SPCS1: variants seen among roughly 807,000 people sequenced by gnomAD.
The protein encoded by SPCS1 is SPase 12 kDa subunit.
Under a neutral mutation model 16.4 loss-of-function variants are expected in SPCS1, and 10 were observed. That is an observed-to-expected ratio of 0.61 (90% CI 0.38 to 1.03). The LOEUF is 1.03. SPCS1 is among the 50% of genes least tolerant of loss of function. The pLI is 0.01. For synonymous variants in SPCS1, 47 were observed against 42.5 expected (o/e 1.10, Z -0.41); for missense variants, 118 against 123.8 (o/e 0.95, Z 0.22).
At chr3:52,707,504 G>T in intron 3 of SPCS1, 183 bp from the exon 4 acceptor site, 1 of 607,420 alleles carries the variant, frequency 1.6e-6, no homozygotes, top group Non-Finnish European at 2.9e-6. Context: ...CAGTGAGCCT[G>T]TTCCCATCAT....
intron 3 of SPCS1, 65 bp from the exon 4 acceptor site, chr3:52,707,622 T>C (rs2097345960): frequency 1.3e-6 from 2 of 1,554,548 alleles, no homozygotes; most frequent in Admixed American, 1.9e-5. Flanking sequence ...AACCTGGCAT[T>C]ATACGTAATG....
Position 52,706,114 on chromosome 3 carries a change from C to A in SPCS1, c.-133C>A. ...CTTCCGCTTCCGGGGCCGCCGCCATCGCTCTCCCGGGCTTAGAAGGCCCGG... is the reference window on the plus strand; with the variant it reads ...CTTCCGCTTCCGGGGCCGCCGCCATAGCTCTCCCGGGCTTAGAAGGCCCGG... On this transcript the variant is annotated 5_prime_UTR_variant, in exon 1 of 4. Transcript: ENST00000619898. The A allele has an allele frequency of 6.5e-7, 1 of 1,539,396 alleles. No individual in the cohort carries two copies. The highest frequency in any genetic ancestry group is 8.7e-7 in the Non-Finnish European group (1 of 1,146,700).
In SPCS1 at chr3:52,710,622, TGTG is replaced by T. The variant is rs972475284; in HGVS notation, c.*2815_*2817del. The T allele has an allele frequency of 6.6e-6, 1 of 151,852 alleles. No homozygotes were observed. The highest frequency in any genetic ancestry group is 2.1e-4 in the South Asian group (1 of 4,816). 9.4% of individuals were successfully genotyped at this position (151,852 alleles called of 1,614,324 possible). A position where few individuals can be genotyped will look rare whatever the true frequency, so the allele number is the denominator to read the frequency against. ...ACAAAAAATACAAAAACTAGCCAGGTGTGGTGGCACACGCCTGTGGTCTCAGCT... is the reference window on the plus strand; with the variant it reads ...ACAAAAAATACAAAAACTAGCCAGGTGTGGCACACGCCTGTGGTCTCAGCT... On this transcript the variant is annotated 3_prime_UTR_variant, in exon 4 of 4. Coordinates refer to ENST00000619898, the MANE Select transcript of SPCS1 (RefSeq NM_014041.5).
Position 52,707,798 on chromosome 3 carries a change from G to C in SPCS1, c.295G>C (p.Ala99Pro). Residue 99 changes from alanine (A) to proline (P), a missense_variant, in exon 4 of 4, where the codon GCT becomes CCT. Transcript: ENST00000619898. ...KPGERKIKRH[A>P]KNN is the part of the protein sequence containing the mutation. ...AGGGGAAAGAAAAATTAAGAGGCAT[G>C]CTAAAAATAATTGAGGTTTTCATGA... is the stretch of plus-strand genomic sequence containing the variant. 1 of 1,614,038 alleles carries C rather than the reference G, an allele frequency of 6.2e-7. No individual in the cohort carries two copies. The highest frequency in any genetic ancestry group is 8.5e-7 in the Non-Finnish European group (1 of 1,179,976).
Position 52,706,197 on chromosome 3 carries a change from C to G in SPCS1, c.-50C>G. 1.3e-6 allele frequency: 2 copies of G among 1,561,128 alleles called. No homozygotes were observed. The highest frequency in any genetic ancestry group is 1.7e-6 in the Non-Finnish European group (2 of 1,159,774). On this transcript the variant is annotated 5_prime_UTR_variant, in exon 1 of 4. Coordinates refer to ENST00000619898, the MANE Select transcript of SPCS1 (RefSeq NM_014041.5). The stretch of plus-strand genomic sequence containing the variant: ...ACGGTCCTTAAGTCTCGGTCGCCCT[C>G]GCCTCGCAGCCTGCCACCCGCGCTC...
intron 3 of SPCS1, chr3:52,707,174 ATTT>A (rs2097345501): frequency 3.7e-6 from 1 of 272,426 alleles, no homozygotes; most frequent in South Asian, 5.6e-5. Context: ...TTATTTATTT[ATTT>A]AAATTTTTTG....
At chr3:52,707,041 A>C in intron 3 of SPCS1, 162 bp downstream of exon 3, 1 of 660,434 alleles carries the variant, frequency 1.5e-6, no homozygotes, top group Non-Finnish European at 2.8e-6. Context: ...AAATAGTGTC[A>C]GATGGTGCGA....
In SPCS1 at chr3:52,707,500, G is replaced by A. The variant is rs554837412; in HGVS notation, c.184-187G>A. On this transcript the variant is annotated intron_variant, in intron 3 of 3. Coordinates refer to ENST00000619898, the MANE Select transcript of SPCS1 (RefSeq NM_014041.5). Reference sequence around the variant, plus strand: ...TTAAAGCCATTTGTATAGGCAGTGAGCCTGTTCCCATCATCATACAGTATT... The same window carrying A: ...TTAAAGCCATTTGTATAGGCAGTGAACCTGTTCCCATCATCATACAGTATT... 1.6e-4 allele frequency: 97 copies of A among 594,936 alleles called. No individual in the cohort carries two copies. The African/African-American group carries it at 1.7e-3, about 10-fold the overall frequency. 36.9% of individuals were successfully genotyped at this position (594,936 alleles called of 1,614,324 possible).
rs145663312 is a variant in SPCS1 at position 52,708,417 on chromosome 3, A to G, written c.*605A>G. The G allele has an allele frequency of 6.5e-6, 1 of 153,042 alleles. No homozygotes were observed. Among genetic ancestry groups the G allele is most frequent in the African/African-American group, 2.4e-5 (1 of 41,572 alleles). The allele number at this position is 153,042 out of a possible 1,614,324, so 9.5% of individuals were successfully genotyped here. Reference sequence around the variant, plus strand: ...GACTTTGTTTTGCTCACTGCTGTCTACCCAGTACATAGAAGAGTACACGAT... The same window carrying G: ...GACTTTGTTTTGCTCACTGCTGTCTGCCCAGTACATAGAAGAGTACACGAT... On this transcript the variant is annotated 3_prime_UTR_variant, in exon 4 of 4. Transcript: ENST00000619898.
chr3:52,710,898 T>C lies in SPCS1; in HGVS notation c.*3086T>C, dbSNP rs905763987. 5 of 152,478 alleles carry C rather than the reference T, an allele frequency of 3.3e-5. No individual in the cohort carries two copies. Among genetic ancestry groups the C allele is most frequent in the African/African-American group, 1.2e-4 (5 of 41,464 alleles). The allele number at this position is 152,478 out of a possible 1,614,324, so 9.4% of individuals were successfully genotyped here. On this transcript the variant is annotated 3_prime_UTR_variant, in exon 4 of 4. Transcript: ENST00000619898. ...TTTCCTAGATGGGTATTACCTCTTA[T>C]TAAACAACTAATAAAATATGTGCTA...
Position 52,707,814 on chromosome 3 carries a change from G to A in SPCS1, c.*2G>A. The stretch of plus-strand genomic sequence containing the variant: ...AAGAGGCATGCTAAAAATAATTGAG[G>A]TTTTCATGATTCAGCACCTGCTTTT... On this transcript the variant is annotated 3_prime_UTR_variant, in exon 4 of 4. Transcript: ENST00000619898. The A allele has an allele frequency of 1.2e-6, 2 of 1,613,884 alleles. No individual in the cohort carries two copies. Among genetic ancestry groups the A allele is most frequent in the Non-Finnish European group, 8.5e-7 (1 of 1,179,892 alleles).
intron 1 of SPCS1, 115 bp from the exon 2 acceptor site, chr3:52,706,529 G>A: frequency 9.8e-7 from 1 of 1,023,616 alleles, no homozygotes. Context: ...AGGCCCTTAG[G>A]AGAGCGGGAG....
chr3:52,706,196 TC>T lies in SPCS1; in HGVS notation c.-50del, dbSNP rs1290251633. On this transcript the variant is annotated 5_prime_UTR_variant, in exon 1 of 4. Transcript: ENST00000619898. ...CACGGTCCTTAAGTCTCGGTCGCCCTCGCCTCGCAGCCTGCCACCCGCGCTC... is the reference window on the plus strand; with the variant it reads ...CACGGTCCTTAAGTCTCGGTCGCCCTGCCTCGCAGCCTGCCACCCGCGCTC... The T allele has an allele frequency of 1.5e-5, 23 of 1,560,070 alleles. No individual in the cohort carries two copies. The highest frequency in any genetic ancestry group is 1.5e-5 in the Non-Finnish European group (17 of 1,159,326).
At chr3:52,706,435 T>A (rs1219046661) in intron 1 of SPCS1, 153 bp downstream of exon 1, 2 of 895,588 alleles carry the variant, frequency 2.2e-6, no homozygotes, top group African/African-American at 3.4e-5. Flanking sequence ...TCCCCTTCTC[T>A]TCTACTCCGC....
intron 3 of SPCS1, 54 bp from the exon 4 acceptor site, chr3:52,707,633 A>G (rs1014521498): frequency 1.3e-6 from 2 of 1,578,050 alleles, no homozygotes; most frequent in African/African-American, 2.7e-5. Flanking sequence ...ATACGTAATG[A>G]TTTTTTAAAC....
rs772181476 is a variant in SPCS1 at position 52,707,842 on chromosome 3, TTC to T, written c.*32_*33del. 3.1e-6 allele frequency: 5 copies of T among 1,613,028 alleles called. No homozygotes were observed. Among genetic ancestry groups the T allele is most frequent in the Non-Finnish European group, 4.2e-6 (5 of 1,179,376 alleles). ...TTCATGATTCAGCACCTGCTTTTGT[TTC>T]TGTGAGATGAGCTAAATTGCTTTCA... On this transcript the variant is annotated 3_prime_UTR_variant, in exon 4 of 4. Coordinates refer to ENST00000619898, the MANE Select transcript of SPCS1 (RefSeq NM_014041.5).
At chr3:52,706,924 C>G in intron 3 of SPCS1, 45 bp downstream of exon 3, 1 of 1,476,590 alleles carries the variant, frequency 6.8e-7, no homozygotes, top group Non-Finnish European at 9.5e-7. Context: ...TTTTGTGAGT[C>G]GGGTTGGTTT....
chr3:52,709,039 C>G lies in SPCS1; in HGVS notation c.*1227C>G, dbSNP rs920716816. The G allele has an allele frequency of 6.6e-6, 1 of 151,908 alleles. No homozygotes were observed. Among genetic ancestry groups the G allele is most frequent in the Admixed American group, 6.6e-5 (1 of 15,250 alleles). The allele number at this position is 151,908 out of a possible 1,614,324, so 9.4% of individuals were successfully genotyped here. A position where few individuals can be genotyped will look rare whatever the true frequency, so the allele number is the denominator to read the frequency against. ...CATCTCTACTAAAAATAACGAAAATCAGCCAGGCATGGTGGTGTGTGCCTG... is the reference window on the plus strand; with the variant it reads ...CATCTCTACTAAAAATAACGAAAATGAGCCAGGCATGGTGGTGTGTGCCTG... On this transcript the variant is annotated 3_prime_UTR_variant, in exon 4 of 4. Transcript: ENST00000619898.
chr3:52,710,051 A>G lies in SPCS1; in HGVS notation c.*2239A>G, dbSNP rs1363811099. On this transcript the variant is annotated 3_prime_UTR_variant, in exon 4 of 4. Coordinates refer to ENST00000619898, the MANE Select transcript of SPCS1 (RefSeq NM_014041.5). ...GCTCCTGGCAGAGAACCTGGCACAC[A>G]GTAAACTCTAAATAAAAATCTGTTA... 6.6e-6 allele frequency: 1 copy of G among 152,254 alleles called. No individual in the cohort carries two copies. The highest frequency in any genetic ancestry group is 1.5e-5 in the Non-Finnish European group (1 of 68,088). 9.4% of individuals were successfully genotyped at this position (152,254 alleles called of 1,614,324 possible).
Sources: allele counts gnomAD v4.1 joint callset, GRCh38; gene constraint gnomAD v4.1.1; transcripts MANE v1.5; gene names NCBI Gene and HGNC (gene_info 2026-07-23, HGNC 2026-07-21).